SMC6: variants seen among roughly 807,000 people sequenced by gnomAD.
SMC6 encodes the protein structural maintenance of chromosomes 6, also known as structural maintenance of chromosomes protein 6.
SMC6 carries 79 observed loss-of-function variants against 142.2 expected under a neutral mutation model. The ratio of observed to expected loss-of-function variants is 0.56; its 90% confidence interval spans 0.46 to 0.67. SMC6 has a LOEUF of 0.67. SMC6 is among the 30% of genes least tolerant of loss of function. The pLI, the probability that SMC6 is intolerant of heterozygous loss-of-function variation, is 0.00. For synonymous variants in SMC6, 411 were observed against 412.4 expected (o/e 1.00, Z 0.04); for missense variants, 1,072 against 1,284.0 (o/e 0.83, Z 2.52).
At chr2:17,725,938 A>G (rs996573492) in intron 8 of SMC6, among the ~76,000 whole-genome samples, 3 of 151,856 alleles carry the variant, frequency 2.0e-5, no homozygotes, top group Non-Finnish European at 4.4e-5. Context: ...AAATACAAAA[A>G]TTAGCTAGAC....
chr2:17,697,820 AGTAATTCCATTCCTAG>A (rs1390112698), intron 21 of SMC6, among the ~76,000 whole-genome samples: 1 of 152,136 alleles, frequency 6.6e-6, no homozygotes, highest in Non-Finnish European at 1.5e-5. Flanking sequence ...CACATAGCTT[AGTAATTCCATTCCTAG>A]GTATCTGAGA....
At chr2:17,724,665 C>CA (rs1194980932) in intron 9 of SMC6, among the ~76,000 whole-genome samples, 1 of 152,106 alleles carries the variant, frequency 6.6e-6, no homozygotes, top group Non-Finnish European at 1.5e-5. Context: ...GATTTAAAAA[C>CA]AAATTGAAGT....
intron 16 of SMC6, among the ~76,000 whole-genome samples, chr2:17,709,196 C>T (rs752805164): frequency 6.6e-6 from 1 of 151,946 alleles, no homozygotes; most frequent in East Asian, 1.9e-4. Context: ...CTGCTGCCTA[C>T]TATAATTAAT....
At chr2:17,686,955 G>A (rs1270195492) in intron 23 of SMC6, among the ~76,000 whole-genome samples, 1 of 152,134 alleles carries the variant, frequency 6.6e-6, no homozygotes, top group Non-Finnish European at 1.5e-5. Context: ...TGTATAAGGT[G>A]TATATAAAAC....
intron 22 of SMC6, among the ~76,000 whole-genome samples, chr2:17,695,655 T>C (rs1031244896): frequency 1.3e-5 from 2 of 152,122 alleles, no homozygotes; most frequent in Non-Finnish European, 2.9e-5. Flanking sequence ...ACCAATGGTA[T>C]TAAAAACACA....
chr2:17,750,864 G>A (rs1318898009), intron 2 of SMC6, among the ~76,000 whole-genome samples: 2 of 151,650 alleles, frequency 1.3e-5, no homozygotes, highest in African/African-American at 4.8e-5. Context: ...AATTAGCTGG[G>A]CTTGGTGGCG....
rs766968558 is a variant in SMC6 at position 17,670,542 on chromosome 2, T to C, written c.2944A>G (p.Asn982Asp). The C allele has an allele frequency of 4.4e-6, 7 of 1,582,270 alleles. No homozygotes were observed. In the South Asian group the frequency reaches 7.0e-5, roughly 16 times the overall value. ...CCTCCAGACAAGGCTCTCATGTCAT[T>C]GAAAGCAGCTTTATTTCCTTCTCCA... is the stretch of plus-strand genomic sequence containing the variant. ...QPGEGNKAAF[N>D]DMRALSGGER... Residue 982 changes from asparagine to aspartate, a missense_variant, in exon 26 of 28, where the codon AAT becomes GAT. Physicochemically the swap from Asn to Asp is conservative, Grantham distance 23 (BLOSUM62 1). Around this residue, in one of 3 missense-constraint regions of SMC6, gnomAD observed 994 missense variants for 1,153.2 expected, o/e 0.86. Coordinates refer to ENST00000448223, the MANE Select transcript of SMC6 (RefSeq NM_001142286.2).
At position 17,716,146 on chromosome 2, in the gene SMC6, C is replaced by T. The variant is rs747335279; in HGVS notation, c.1465G>A (p.Glu489Lys). ...TGTCTATAAGCATCATCTATGGCTT[C>T]AAGAAGAGCTGGAACATTAGGGCCA... Reference protein sequence around the residue: ...RFGPNVPALLEAIDDAYRQGH... With the variant: ...RFGPNVPALLKAIDDAYRQGH... The change falls in exon 15 of 28, where the codon GAA becomes AAA. Residue 489 changes from glutamate to lysine, a missense_variant. Transcript: ENST00000448223. 1.2e-6 allele frequency: 2 copies of T among 1,610,794 alleles called. No individual in the cohort carries two copies. Among genetic ancestry groups the T allele is most frequent in the South Asian group, 2.2e-5 (2 of 90,532 alleles).
Position 17,721,279 on chromosome 2 carries a change from G to A in SMC6, c.727-18C>T. On this transcript the variant is annotated intron_variant, in intron 9 of 27. Coordinates refer to ENST00000448223, the MANE Select transcript of SMC6 (RefSeq NM_001142286.2). ...GTAAGCCGCTTAAAAAAAGAAAACA[G>A]AACGGACGTATTTTTTATTAATGTT... The A allele has an allele frequency of 6.5e-7, 1 of 1,545,402 alleles. No individual in the cohort carries two copies. The highest frequency in any genetic ancestry group is 8.7e-7 in the Non-Finnish European group (1 of 1,153,454).
chr2:17,718,481 G>T (rs191750241), intron 11 of SMC6, among the ~76,000 whole-genome samples: 6 of 152,240 alleles, frequency 3.9e-5, no homozygotes, highest in South Asian at 4.2e-4. Context: ...AAAAGAGAGA[G>T]ATATAATTTA....
intron 23 of SMC6, among the ~76,000 whole-genome samples, chr2:17,687,284 G>A (rs1474387583): frequency 1.3e-5 from 2 of 152,160 alleles, no homozygotes; most frequent in African/African-American, 2.4e-5. Flanking sequence ...GTGCGTGCAT[G>A]TGCAAGATAA....
Position 17,665,334 on chromosome 2 carries a change from T to C in SMC6, c.*165A>G. ...AGTAATCTTAAATTGCAGGTTGTAG[T>C]TGGTTTTCCAGGCTTATTTATATGT... is the stretch of plus-strand genomic sequence containing the variant. On this transcript the variant is annotated 3_prime_UTR_variant, in exon 28 of 28. Transcript: ENST00000448223. 1 of 393,660 alleles carries C rather than the reference T, an allele frequency of 2.5e-6. No individual in the cohort carries two copies. Among genetic ancestry groups the C allele is most frequent in the Non-Finnish European group, 4.5e-6 (1 of 222,204 alleles). The allele number at this position is 393,660 out of a possible 1,614,324, so 24.4% of individuals were successfully genotyped here.
At chr2:17,715,574 T>C (rs1337551913) in intron 15 of SMC6, among the ~76,000 whole-genome samples, 1 of 152,102 alleles carries the variant, frequency 6.6e-6, no homozygotes, top group South Asian at 2.1e-4. Flanking sequence ...TTTCACCTAA[T>C]GATTTTCAGA....
At chr2:17,694,787 C>T (rs1437408514) in intron 23 of SMC6, among the ~76,000 whole-genome samples, 1 of 152,160 alleles carries the variant, frequency 6.6e-6, no homozygotes, top group African/African-American at 2.4e-5. Flanking sequence ...TTGAACCTTA[C>T]TGACCTAGAA....
chr2:17,723,598 C>T (rs1669478438), intron 9 of SMC6, among the ~76,000 whole-genome samples: 2 of 152,188 alleles, frequency 1.3e-5, no homozygotes, highest in Admixed American at 1.3e-4. Flanking sequence ...TCCTTAATAA[C>T]TCCCCCATCA....
At chr2:17,682,070 TAG>T (rs1334918610) in intron 24 of SMC6, 2 of 152,146 alleles carry the variant, frequency 1.3e-5, no homozygotes, top group Non-Finnish European at 2.9e-5. Flanking sequence ...TATGTAGTAA[TAG>T]AGATTGGGTT....
At chr2:17,674,937 A>C (rs1336237344) in intron 25 of SMC6, among the ~76,000 whole-genome samples, 1 of 152,098 alleles carries the variant, frequency 6.6e-6, no homozygotes, top group African/African-American at 2.4e-5. Context: ...GATAAACAGC[A>C]TACAGTTAGT....
intron 7 of SMC6, among the ~76,000 whole-genome samples, chr2:17,730,566 A>C (rs543939520): frequency 6.6e-6 from 1 of 151,390 alleles, no homozygotes; most frequent in African/African-American, 2.4e-5. Flanking sequence ...AAGGTGTTAT[A>C]TTATGTATTG....
Position 17,716,160 on chromosome 2 carries a change from A to G in SMC6, c.1451T>C (p.Val484Ala). The G allele has an allele frequency of 6.2e-7, 1 of 1,612,434 alleles. No individual in the cohort carries two copies. Among genetic ancestry groups the G allele is most frequent in the South Asian group, 1.1e-5 (1 of 90,808 alleles). The change falls in exon 15 of 28, where the codon GTT (valine) becomes GCT (alanine). Residue 484 changes from valine (V) to alanine (A), a missense_variant. Physicochemically the swap from Val to Ala is moderately conservative, Grantham distance 64. Around this residue, in one of 3 missense-constraint regions of SMC6, gnomAD observed 994 missense variants for 1,153.2 expected, o/e 0.86. Coordinates refer to ENST00000448223, the MANE Select transcript of SMC6 (RefSeq NM_001142286.2). ...TDRLKRFGPN[V>A]PALLEAIDDA... Reference sequence around the variant, plus strand: ...ATCTATGGCTTCAAGAAGAGCTGGAACATTAGGGCCAAATCTTTTGAGTCG... The same window carrying G: ...ATCTATGGCTTCAAGAAGAGCTGGAGCATTAGGGCCAAATCTTTTGAGTCG...
Sources: allele counts gnomAD v4.1 joint callset (sites outside exome capture counted in the v4.1 genomes callset), GRCh38; gene constraint gnomAD v4.1.1; regional missense constraint gnomAD v4.1.1; transcripts MANE v1.5; gene names NCBI Gene and HGNC (gene_info 2026-07-23, HGNC 2026-07-21).